The following COL1A1 variants were observed in gnomAD, a reference collection of about 807,000 sequenced individuals.
The protein encoded by COL1A1 is collagen alpha-1(I) chain.
A neutral mutation model predicts 195.7 loss-of-function variants in COL1A1; 21 were observed. The observed-to-expected ratio is 0.11, with a 90% confidence interval of 0.08 to 0.15. COL1A1 has a LOEUF of 0.15. COL1A1 is among the 10% of genes least tolerant of loss of function. The pLI is 1.00. For missense variants in COL1A1, 1,365 were observed against 2,051.0 expected (o/e 0.67, Z 6.46); for synonymous variants, 749 against 747.3 (o/e 1.00, Z -0.04).
In COL1A1 at chr17:50,194,933, TG is replaced by T. The variant is rs1907440280; in HGVS notation, c.1354-106del. The T allele has an allele frequency of 2.1e-6, 3 of 1,452,108 alleles. No individual in the cohort carries two copies. The highest frequency in any genetic ancestry group is 2.8e-5 in the African/African-American group (2 of 71,158). 90.0% of individuals were successfully genotyped at this position (1,452,108 alleles called of 1,614,324 possible). A position where few individuals can be genotyped will look rare whatever the true frequency, so the allele number is the denominator to read the frequency against. ...CTCCAGTGTCAGGGGTTCCTGGGGG[TG>T]TGGCAGGGACTCCCCCAGAAGACTA... On this transcript the variant is annotated intron_variant, in intron 20 of 50. Transcript: ENST00000225964. The surrounding 1 kb of genome is among the most constrained non-coding windows in gnomAD (Gnocchi z 6.8).
chr17:50,191,854 C>T lies in COL1A1; in HGVS notation c.2061G>A (p.Val687=), dbSNP rs763732676. ...GERGFPGERG[V]QGPPGPAGPR... ...GACCAGCAGGACCAGGGGGACCTTG[C>T]ACACCACGCTCGCCAGGGAAACCTC... Residue 687 remains valine, a synonymous_variant, in exon 31 of 51, where the codon GTG becomes GTA. Transcript: ENST00000225964. 6.2e-7 allele frequency: 1 copy of T among 1,603,174 alleles called. No individual in the cohort carries two copies. Among genetic ancestry groups the T allele is most frequent in the Non-Finnish European group, 8.5e-7 (1 of 1,174,532 alleles).
Position 50,188,838 on chromosome 17 carries a change from AG to A in COL1A1, c.3046-44del, listed in dbSNP as rs779388180. Reference sequence around the variant, plus strand: ...GAGAAGTGAGAGTCAGCCGGGGAAGAGGGCTTAGGCAAGGCCACAATGGCCA... The same window carrying A: ...GAGAAGTGAGAGTCAGCCGGGGAAGAGGCTTAGGCAAGGCCACAATGGCCA... On this transcript the variant is annotated intron_variant, in intron 41 of 50. Transcript: ENST00000225964. The surrounding 1 kb of genome is among the most constrained non-coding windows in gnomAD (Gnocchi z 5.6). The A allele has an allele frequency of 2.9e-4, 464 of 1,610,504 alleles. 1 individual carries two copies. The highest frequency in any genetic ancestry group is 3.7e-4 in the Non-Finnish European group (433 of 1,177,066).
Position 50,187,554 on chromosome 17 carries a change from A to G in COL1A1, c.3370-17T>C. 2 of 1,613,896 alleles carry G rather than the reference A, an allele frequency of 1.2e-6. No homozygotes were observed. The highest frequency in any genetic ancestry group is 2.2e-5 in the East Asian group (1 of 44,868). On this transcript the variant is annotated splice_polypyrimidine_tract_variant and intron_variant, in intron 45 of 50. Coordinates refer to ENST00000225964, the MANE Select transcript of COL1A1 (RefSeq NM_000088.4). ...AGGAGAGCCCTGAAGGACAGATAAA[A>G]AAGGCAGTTCAGGCCCAGTGAGCGT...
rs956461667 is a variant in COL1A1, at chr17:50,186,607, AGGAG to A, written c.3814+29_3814+32del. 1.9e-6 allele frequency: 3 copies of A among 1,613,098 alleles called. No homozygotes were observed. Among genetic ancestry groups the A allele is most frequent in the Non-Finnish European group, 2.5e-6 (3 of 1,179,920 alleles). ...ATGGGGACCCTGGCATGGCAGGAGTAGGAGGGAGGGAGAGGCTAGGGCAGGCCCT... is the reference window on the plus strand; with the variant it reads ...ATGGGGACCCTGGCATGGCAGGAGTAGGAGGGAGAGGCTAGGGCAGGCCCT... On this transcript the variant is annotated intron_variant, in intron 48 of 50. Transcript: ENST00000225964. The surrounding 1 kb of genome is among the most constrained non-coding windows in gnomAD (Gnocchi z 5.3).
chr17:50,191,757 C>A, intron 31 of COL1A1, 31 bp downstream of exon 31: 1 of 1,554,936 alleles, frequency 6.4e-7, no homozygotes. Context: ...CCCTGGGCCA[C>A]TTGCCAGAGC....
Position 50,192,623 on chromosome 17 carries a change from C to G in COL1A1, c.1929+17G>C, listed in dbSNP as rs1291997527. 73 of 1,614,094 alleles carry G rather than the reference C, an allele frequency of 4.5e-5. No homozygotes were observed. The highest frequency in any genetic ancestry group is 6.2e-5 in the Non-Finnish European group (73 of 1,180,038). On this transcript the variant is annotated intron_variant, in intron 28 of 50. Coordinates refer to ENST00000225964, the MANE Select transcript of COL1A1 (RefSeq NM_000088.4). ...CTACCCCTACCTCCCAGCATCCTGACAGCCATGAGGCCTCACCTGGAATCC... is the reference window on the plus strand; with the variant it reads ...CTACCCCTACCTCCCAGCATCCTGAGAGCCATGAGGCCTCACCTGGAATCC...
At chr17:50,191,606 GA>G (rs1907083749) in intron 31 of COL1A1, 116 bp from the exon 32 acceptor site, 2 of 1,144,056 alleles carry the variant, frequency 1.7e-6, no homozygotes, top group Non-Finnish European at 2.6e-6. Context: ...CAAGCCTTGA[GA>G]AAAGATGAAA....
In COL1A1 at chr17:50,186,067, C is replaced by T. The variant is rs1278577576; in HGVS notation, c.4006-47G>A. 3 of 1,605,786 alleles carry T rather than the reference C, an allele frequency of 1.9e-6. No homozygotes were observed. The highest frequency in any genetic ancestry group is 2.2e-5 in the South Asian group (2 of 90,888). On this transcript the variant is annotated intron_variant, in intron 49 of 50. Coordinates refer to ENST00000225964, the MANE Select transcript of COL1A1 (RefSeq NM_000088.4). This position sits in a 1 kb window ranked among gnomAD's most constrained non-coding sequence, Gnocchi z 5.3. ...GAAGAGTGAGCCGCTATGCGGGAAC[C>T]TCTAGTCCTGCCTGGCCTCCCTGTC...
chr17:50,193,124 AG>A, intron 25 of COL1A1, 77 bp from the exon 26 acceptor site: 1 of 1,431,538 alleles, frequency 7.0e-7, no homozygotes, highest in Admixed American at 1.8e-5. Context: ...ATTTACTCTG[AG>A]TGGGACTTTT....
In COL1A1 at chr17:50,193,823, A is replaced by G; in HGVS notation, c.1767+120T>C. 4 of 884,348 alleles carry G rather than the reference A, an allele frequency of 4.5e-6. No individual in the cohort carries two copies. In the Admixed American group the frequency reaches 5.7e-5, roughly 13 times the overall value. The allele number at this position is 884,348 out of a possible 1,614,324, so 54.8% of individuals were successfully genotyped here. On this transcript the variant is annotated intron_variant, in intron 25 of 50. Coordinates refer to ENST00000225964, the MANE Select transcript of COL1A1 (RefSeq NM_000088.4). Reference sequence around the variant, plus strand: ...ACAGATAGGGAGGCTGAGGTCCAGAAAGTGAGAGTGAGTGGCCACACGGCA... The same window carrying G: ...ACAGATAGGGAGGCTGAGGTCCAGAGAGTGAGAGTGAGTGGCCACACGGCA...
intron 25 of COL1A1, 27 bp downstream of exon 25, chr17:50,193,916 C>T (rs1199117249): frequency 1.3e-5 from 21 of 1,603,734 alleles, no homozygotes; most frequent in Non-Finnish European, 1.7e-5. Flanking sequence ...GTCCCTGGCT[C>T]TTCATGGATC....
Position 50,193,024 on chromosome 17 carries a change from C to T in COL1A1, c.1791G>A (p.Glu597=), listed in dbSNP as rs745948032. Residue 597 remains glutamate, a synonymous_variant, in exon 26 of 51, where the codon GAG becomes GAA. Coordinates refer to ENST00000225964, the MANE Select transcript of COL1A1 (RefSeq NM_000088.4). ...CGCCAGGGGGTCCGGGAACACCTCG[C>T]TCTCCAGCCTTGCCGGGCTCTCCCT... ...GAAGEPGKAG[E]RGVPGPPGAV... is the part of the protein sequence containing the mutation. The T allele has an allele frequency of 1.2e-6, 2 of 1,614,078 alleles. No individual in the cohort carries two copies. The highest frequency in any genetic ancestry group is 1.3e-5 in the African/African-American group (1 of 75,048).
chr17:50,193,801 G>T, intron 25 of COL1A1, 142 bp downstream of exon 25: 3 of 787,160 alleles, frequency 3.8e-6, no homozygotes, highest in Non-Finnish European at 4.4e-6. Context: ...TCATTTTACA[G>T]ATAGGGAGGC....
Position 50,199,801 on chromosome 17 carries a change from C to T in COL1A1, c.250G>A (p.Ala84Thr). 6.2e-7 allele frequency: 1 copy of T among 1,613,960 alleles called. No homozygotes were observed. Among genetic ancestry groups the T allele is most frequent in the Non-Finnish European group, 8.5e-7 (1 of 1,180,014 alleles). ...CAGCACTCGCCCTCGGGGACTTCGG[C>T]GCCGGGGCAGTTCTTGGTCTCGTCA... ...ICDETKNCPGAEVPEGECCPV... is the reference protein window; with the variant it reads ...ICDETKNCPGTEVPEGECCPV... The change falls in exon 2 of 51, where the codon GCC becomes ACC. Residue 84 changes from alanine (A) to threonine (T), a missense_variant. Coordinates refer to ENST00000225964, the MANE Select transcript of COL1A1 (RefSeq NM_000088.4).
intron 10 of COL1A1, 45 bp downstream of exon 10, chr17:50,197,135 C>T: frequency 6.2e-7 from 1 of 1,613,972 alleles, no homozygotes; most frequent in South Asian, 1.1e-5. Flanking sequence ...CTAAATGAAG[C>T]CCAAGTGCAG....
intron 31 of COL1A1, 84 bp from the exon 32 acceptor site, chr17:50,191,574 G>T: frequency 7.3e-7 from 1 of 1,361,190 alleles, no homozygotes; most frequent in Non-Finnish European, 1.0e-6. Context: ...GTATCTCCCA[G>T]GCTTGTTTCC....
rs760140340 is a variant in COL1A1, at chr17:50,197,802, A to G, written c.643-17T>C. On this transcript the variant is annotated splice_polypyrimidine_tract_variant and intron_variant, in intron 8 of 50. Coordinates refer to ENST00000225964, the MANE Select transcript of COL1A1 (RefSeq NM_000088.4). The stretch of plus-strand genomic sequence containing the variant: ...CATGGGACCCTAGAAAAGATAGAAG[A>G]GGTGGTTAGAATATGGATAAGAAAA... 1.5e-5 allele frequency: 24 copies of G among 1,608,620 alleles called. No individual in the cohort carries two copies. The South Asian group carries it at 2.4e-4, about 16-fold the overall frequency.
chr17:50,196,111 C>T (rs754913298), intron 15 of COL1A1, 44 bp downstream of exon 15: 6 of 1,613,012 alleles, frequency 3.7e-6, no homozygotes, highest in Non-Finnish European at 4.2e-6. Context: ...GATACTGAGA[C>T]CCCTCCCCAC....
rs1907872459 is a variant in COL1A1 at position 50,199,424 on chromosome 17, G to A, written c.363C>T (p.Gly121=). The part of the protein sequence containing the change: ...EGPKGDTGPR[G]PRGPAGPPGR... ...CCCAGAGTGCAACGCTTACCCTTGG[G>A]CCTCGGGGGCCAGTGTCTCCCTTGG... is the stretch of plus-strand genomic sequence containing the variant. Residue 121 remains glycine, a synonymous_variant, in exon 4 of 51, where the codon GGC becomes GGT. Transcript: ENST00000225964. The A allele has an allele frequency of 6.2e-7, 1 of 1,614,096 alleles. No individual in the cohort carries two copies. Among genetic ancestry groups the A allele is most frequent in the Non-Finnish European group, 8.5e-7 (1 of 1,179,970 alleles).
Sources: allele counts gnomAD v4.1 joint callset, GRCh38; gene constraint gnomAD v4.1.1; non-coding constraint Gnocchi (gnomAD v3.1); transcripts MANE v1.5; gene names NCBI Gene and HGNC (gene_info 2026-07-23, HGNC 2026-07-21).